Variants in KRT8 observed in about 807,000 individuals in gnomAD.
KRT8 encodes keratin 8, also known as keratin, type II cytoskeletal 8.
Under a neutral mutation model 43.0 loss-of-function variants are expected in KRT8, and 24 were observed. That is an observed-to-expected ratio of 0.56 (90% CI 0.40 to 0.78). The LOEUF is 0.78. KRT8 is among the 30% of genes least tolerant of loss of function. The pLI is 0.00. For synonymous variants in KRT8, 214 were observed against 261.2 expected (o/e 0.82, Z 1.74); for missense variants, 492 against 638.4 (o/e 0.77, Z 2.47).
At chr12:52,927,860 C>T (rs1942020035) in intron 2 of KRT8, among the ~76,000 whole-genome samples, 1 of 152,198 alleles carries the variant, frequency 6.6e-6, no homozygotes. Context: ...AGGTGTATCA[C>T]CTGAGGTCAG....
At chr12:52,906,739 C>T (rs1010800725), upstream of KRT8, 1 of 455,926 alleles carries the variant, frequency 2.2e-6, no homozygotes, top group Non-Finnish European at 4.4e-6. Context: ...CAGATGACAG[C>T]CAGATCCCCT....
chr12:52,898,903 T>A lies in KRT8; in HGVS notation c.982-4A>T, dbSNP rs142468041. The A allele has an allele frequency of 6.2e-7, 1 of 1,613,040 alleles. No individual in the cohort carries two copies. The highest frequency in any genetic ancestry group is 2.2e-5 in the East Asian group (1 of 44,878). On this transcript the variant is annotated splice_region_variant and splice_polypyrimidine_tract_variant and intron_variant, in intron 5 of 7. Transcript: ENST00000692008. ...TGGCGGCCTCCAGGGAAGCCCTCTG[T>A]GGGGTAGGGGACAGGTAAGTAGGTC...
chr12:52,903,835 G>A (rs902107703), intron 1 of KRT8, among the ~76,000 whole-genome samples: 12 of 151,356 alleles, frequency 7.9e-5, no homozygotes, highest in African/African-American at 2.2e-4. Context: ...GCCAGGCCCT[G>A]GCGCCTCCTC....
intron 2 of KRT8, among the ~76,000 whole-genome samples, chr12:52,940,843 G>A (rs1942256498): frequency 6.6e-6 from 1 of 151,806 alleles, no homozygotes; most frequent in Non-Finnish European, 1.5e-5. Context: ...GGCCAGGTTG[G>A]TCTTGAACTT....
chr12:52,898,463 G>C, exon 7 of KRT8: 5 of 1,613,304 alleles, frequency 3.1e-6, no homozygotes, highest in East Asian at 2.2e-5. Flanking sequence ...ACACCCACCT[G>C]CATAGCCGCT....
intron 2 of KRT8, among the ~76,000 whole-genome samples, chr12:52,924,244 C>T (rs1941945698): frequency 1.3e-5 from 2 of 151,996 alleles, no homozygotes; most frequent in South Asian, 2.1e-4. Context: ...GTCAGGAAAT[C>T]GAGACCATCC....
chr12:52,901,103 T>G, intron 3 of KRT8, 56 bp downstream of exon 3: 1 of 1,258,544 alleles, frequency 7.9e-7, no homozygotes, highest in Non-Finnish European at 1.2e-6. Context: ...CTTCTTGGTC[T>G]GAGTCTCTGA....
At chr12:52,909,991 C>T (rs142352114), upstream of KRT8, among the ~76,000 whole-genome samples, 81 of 152,140 alleles carry the variant, frequency 5.3e-4, no homozygotes, top group African/African-American at 1.8e-3. Context: ...CAGCCTGACT[C>T]GAACTCCTGG....
chr12:52,946,903 G>A (rs564464732), intron 2 of KRT8: 2 of 152,482 alleles, frequency 1.3e-5, no homozygotes, highest in South Asian at 4.1e-4. Context: ...TTAGGTGACA[G>A]ATCAGGAACA....
chr12:52,922,184 TAAAAAAAAAAAAAAA>T (rs57023136), intron 2 of KRT8, among the ~76,000 whole-genome samples: 15 of 38,728 alleles, frequency 3.9e-4, no homozygotes, highest in Admixed American at 1.1e-3. Flanking sequence ...ACCCTGTCTC[TAAAAAAAAAAAAAAA>T]AAAAAAAAAA....
At chr12:52,949,641 A>C in intron 1 of KRT8, 1 of 1,479,234 alleles carries the variant, frequency 6.8e-7, no homozygotes, top group Non-Finnish European at 9.4e-7. Flanking sequence ...CCCTCCAATT[A>C]TACACTCCTT....
At chr12:52,900,294 A>T (rs1941335048) in intron 4 of KRT8, among the ~76,000 whole-genome samples, 1 of 152,162 alleles carries the variant, frequency 6.6e-6, no homozygotes, top group Non-Finnish European at 1.5e-5. Context: ...GGCTTTGGGG[A>T]CAGAGTTGCT....
At chr12:52,906,605 A>G (rs1218212237), upstream of KRT8, 3 of 435,906 alleles carry the variant, frequency 6.9e-6, no homozygotes, top group Admixed American at 7.2e-5. Flanking sequence ...GGTGGAAGGC[A>G]GGAGGTTTAG....
intron 2 of KRT8, among the ~76,000 whole-genome samples, chr12:52,943,603 C>T (rs566066283): frequency 2.0e-5 from 3 of 152,222 alleles, no homozygotes; most frequent in African/African-American, 7.2e-5. Context: ...GGGGGATGCT[C>T]CAGGTGGGCC....
chr12:52,919,764 T>C (rs913861021), intron 2 of KRT8, among the ~76,000 whole-genome samples: 1 of 152,176 alleles, frequency 6.6e-6, no homozygotes, highest in African/African-American at 2.4e-5. Flanking sequence ...TTCTCCTGCC[T>C]CAGCCTCCCA....
intron 2 of KRT8, among the ~76,000 whole-genome samples, chr12:52,924,703 T>C (rs1003162963): frequency 6.6e-6 from 1 of 152,192 alleles, no homozygotes; most frequent in Non-Finnish European, 1.5e-5. Flanking sequence ...AGGACACTAC[T>C]GTATAGGACA....
intron 2 of KRT8, among the ~76,000 whole-genome samples, chr12:52,915,366 TC>T (rs1565724104): frequency 7.3e-6 from 1 of 136,714 alleles, no homozygotes; most frequent in African/African-American, 2.8e-5. Context: ...AGAGCAAGAC[TC>T]CATCTCAAAA....
rs555181492 is a variant in KRT8 at position 52,904,813 on chromosome 12, C to T, written c.169G>A (p.Ala57Thr). 4.3e-6 allele frequency: 7 copies of T among 1,612,396 alleles called. No individual in the cohort carries two copies. In the Admixed American group the frequency reaches 6.7e-5, roughly 15 times the overall value. Residue 57 changes from alanine (A) to threonine (T), a missense_variant, in exon 1 of 8, where the codon GCC becomes ACC. By Grantham distance (58) the Ala-to-Thr change is moderately conservative (BLOSUM62 0). Coordinates refer to ENST00000692008, the Ensembl canonical transcript of KRT8. ...GCGGTGATGCCTCCCATGCCGCTGG[C>T]CCCACCATAGCCGCCGCCCAGGCCA...
chr12:52,918,426 G>T (rs950188019), intron 2 of KRT8, among the ~76,000 whole-genome samples: 1 of 152,094 alleles, frequency 6.6e-6, no homozygotes, highest in African/African-American at 2.4e-5. Flanking sequence ...CCACCAGGCC[G>T]AGATGGAAAA....
Sources: allele counts gnomAD v4.1 joint callset (sites outside exome capture counted in the v4.1 genomes callset), GRCh38; gene constraint gnomAD v4.1.1; transcripts MANE v1.5; gene names NCBI Gene and HGNC (gene_info 2026-07-23, HGNC 2026-07-21).